RASSF8: variants seen among roughly 807,000 people sequenced by gnomAD.
The protein encoded by RASSF8 is ras association domain-containing protein 8.
In RASSF8, 22 loss-of-function variants were observed where a neutral mutation model predicts 48.5. The ratio of observed to expected loss-of-function variants is 0.45; its 90% CI spans 0.32 to 0.65. The LOEUF (loss-of-function observed/expected upper bound fraction) is 0.65, where lower values mean the gene tolerates loss of function less well. Ranked by LOEUF, RASSF8 falls within the 30% of genes least tolerant of loss-of-function variation. RASSF8 has a pLI of 0.03. For synonymous variants in RASSF8, 127 were observed against 171.5 expected, an observed-to-expected ratio of 0.74 and a Z score of 2.03; for missense variants, 418 against 489.2, an observed-to-expected ratio of 0.85 and a Z score of 1.37.
At position 25,995,118 on chromosome 12, in the gene RASSF8, C is replaced by T. The variant is rs1454894170; in HGVS notation, c.-121C>T. 1 of 152,226 alleles carries T rather than the reference C, an allele frequency of 6.6e-6. No homozygotes were observed. The highest frequency in any genetic ancestry group is 2.4e-5 in the African/African-American group (1 of 41,402). 9.4% of individuals were successfully genotyped at this position (152,226 alleles called of 1,614,324 possible). A position where few individuals can be genotyped will look rare whatever the true frequency, so the allele number is the denominator to read the frequency against. On this transcript the variant is annotated 5_prime_UTR_variant, in exon 2 of 6. Coordinates refer to ENST00000689635, the MANE Select transcript of RASSF8 (RefSeq NM_001394098.1). ...CCTCATTCTCACTGGCTCGGAGACT[C>T]CTGCCTGCTGAGGTGAGTGGTGCTG...
intron 2 of RASSF8, among the ~76,000 whole-genome samples, chr12:26,012,265 T>C (rs1199741483): frequency 6.6e-6 from 1 of 152,218 alleles, no homozygotes; most frequent in Non-Finnish European, 1.5e-5. Flanking sequence ...AATTGACACA[T>C]TCAAAGCACT....
At chr12:25,992,640 C>A (rs1053040825) in intron 1 of RASSF8, among the ~76,000 whole-genome samples, 1 of 152,054 alleles carries the variant, frequency 6.6e-6, no homozygotes, top group Non-Finnish European at 1.5e-5. Flanking sequence ...GAAGGAGAGG[C>A]AGGGAAACTG....
intron 1 of RASSF8, among the ~76,000 whole-genome samples, chr12:25,979,027 A>T (rs1941676013): frequency 6.6e-6 from 1 of 152,188 alleles, no homozygotes; most frequent in South Asian, 2.1e-4. Flanking sequence ...ATACGGTAGT[A>T]TGTTCACTTC....
At chr12:26,011,998 A>G (rs942151817) in intron 2 of RASSF8, among the ~76,000 whole-genome samples, 2 of 152,220 alleles carry the variant, frequency 1.3e-5, no homozygotes, top group Non-Finnish European at 2.9e-5. Context: ...TAACATATCC[A>G]TGGCATATAG....
At chr12:26,067,753 T>C (rs750223715) in intron 5 of RASSF8, 40 bp downstream of exon 5, 1 of 1,609,628 alleles carries the variant, frequency 6.2e-7, no homozygotes, top group Non-Finnish European at 8.5e-7. Context: ...CCCTTTATTC[T>C]CACTGCTTAA....
rs534708950 is a variant in RASSF8 at position 26,003,622 on chromosome 12, A to G, written c.-109+8492A>G. On this transcript the variant is annotated intron_variant, in intron 2 of 5. Transcript: ENST00000689635. The stretch of plus-strand genomic sequence containing the variant: ...ATTATAACCTTCAAAAAATAACTGT[A>G]TAGGGGGAATAAAAACCTAGAAGGA... Among the ~76,000 whole-genome samples, 4 of 152,274 alleles carry G rather than the reference A, an allele frequency of 2.6e-5. No individual in the cohort carries two copies. The South Asian group carries it at 6.2e-4, about 24-fold the overall frequency.
intron 1 of RASSF8, among the ~76,000 whole-genome samples, chr12:25,976,893 T>C (rs1434534367): frequency 6.6e-6 from 1 of 152,160 alleles, no homozygotes; most frequent in Admixed American, 6.5e-5. Flanking sequence ...GCTTGGGACC[T>C]CCTGGTTTTG....
At chr12:26,067,790 A>G in intron 5 of RASSF8, 77 bp downstream of exon 5, 1 of 1,564,116 alleles carries the variant, frequency 6.4e-7, no homozygotes, top group Non-Finnish European at 8.8e-7. Flanking sequence ...TTTTTGAGAT[A>G]GTATCACTGT....
intron 1 of RASSF8, among the ~76,000 whole-genome samples, chr12:25,961,569 CTT>C (rs1451628331): frequency 6.6e-6 from 1 of 152,126 alleles, no homozygotes; most frequent in African/African-American, 2.4e-5. Flanking sequence ...GCACGTGTGA[CTT>C]TGTCACTCCC....
At chr12:25,960,402 A>G (rs1941202682) in intron 1 of RASSF8, among the ~76,000 whole-genome samples, 1 of 152,130 alleles carries the variant, frequency 6.6e-6, no homozygotes, top group African/African-American at 2.4e-5. Context: ...TGCAGGGTGG[A>G]CGCAAAAATC....
At chr12:26,057,760 C>T (rs1309187545) in intron 3 of RASSF8, among the ~76,000 whole-genome samples, 1 of 152,138 alleles carries the variant, frequency 6.6e-6, no homozygotes, top group African/African-American at 2.4e-5. Context: ...TAAAAATGTT[C>T]CTATTTCTCC....
At chr12:25,984,667 A>G (rs971308393) in intron 1 of RASSF8, among the ~76,000 whole-genome samples, 1 of 152,198 alleles carries the variant, frequency 6.6e-6, no homozygotes, top group East Asian at 1.9e-4. Context: ...AGGCAAGGGT[A>G]CACACAAAAT....
rs1022510071 is a variant in RASSF8 at position 25,980,692 on chromosome 12, C to T, written c.-202-14345C>T. Among the ~76,000 whole-genome samples the T allele has an allele frequency of 3.9e-5, 6 of 152,150 alleles. No homozygotes were observed. In the South Asian group the frequency reaches 8.3e-4, roughly 21 times the overall value. On this transcript the variant is annotated intron_variant, in intron 1 of 5. Transcript: ENST00000689635. ...TTCTAAGTCCTATGAGAAGGGATTTCAGCCAGCTATGAGCAGGTGAAGCCA... is the reference window on the plus strand; with the variant it reads ...TTCTAAGTCCTATGAGAAGGGATTTTAGCCAGCTATGAGCAGGTGAAGCCA...
At chr12:26,053,564 A>G (rs1943539403) in intron 2 of RASSF8, among the ~76,000 whole-genome samples, 1 of 152,198 alleles carries the variant, frequency 6.6e-6, no homozygotes, top group African/African-American at 2.4e-5. Context: ...TTAAAGTCTC[A>G]GAGAAGTCTA....
chr12:26,039,112 T>C (rs1480571231), intron 2 of RASSF8, among the ~76,000 whole-genome samples: 7 of 152,190 alleles, frequency 4.6e-5, no homozygotes, highest in South Asian at 2.1e-4. Context: ...GTGAGTTTCA[T>C]TGGGGATCCT....
chr12:26,057,931 G>C (rs916810868), intron 3 of RASSF8, among the ~76,000 whole-genome samples: 1 of 152,124 alleles, frequency 6.6e-6, no homozygotes. Context: ...GTCTTCTTTT[G>C]AGAAGTGTCT....
At chr12:26,032,819 C>T (rs1036233589) in intron 2 of RASSF8, among the ~76,000 whole-genome samples, 1 of 152,172 alleles carries the variant, frequency 6.6e-6, no homozygotes, top group Non-Finnish European at 1.5e-5. Context: ...CATAATTAAA[C>T]AGCGTATGTA....
chr12:25,971,230 A>G (rs1328176348), intron 1 of RASSF8, among the ~76,000 whole-genome samples: 1 of 152,030 alleles, frequency 6.6e-6, no homozygotes, highest in African/African-American at 2.4e-5. Context: ...TCTAAAATGG[A>G]GCAGCTTTGT....
chr12:26,042,204 G>A (rs1421141534), intron 2 of RASSF8, among the ~76,000 whole-genome samples: 1 of 152,196 alleles, frequency 6.6e-6, no homozygotes, highest in Non-Finnish European at 1.5e-5. Context: ...TAGAAAAAGA[G>A]CACCTGCTGT....
Sources: gnomAD v4.1 joint callset for allele counts (sites outside exome capture counted in the v4.1 genomes callset) on GRCh38, gnomAD v4.1.1 for gene constraint, MANE v1.5 for transcripts, NCBI Gene and HGNC (gene_info 2026-07-23, HGNC 2026-07-21) for gene names.